RGS6: variants seen among roughly 807,000 people sequenced by gnomAD.
The protein encoded by RGS6 is regulator of G protein signaling 6.
A neutral mutation model predicts 78.5 loss-of-function variants in RGS6; 30 were observed. That is an observed-to-expected ratio of 0.38 (90% CI 0.29 to 0.52). RGS6 has a LOEUF of 0.52. RGS6 is among the 20% of genes least tolerant of loss of function. The pLI is 0.85. For synonymous variants in RGS6, 206 were observed against 206.0 expected (o/e 1.00, Z 0.00); for missense variants, 495 against 609.7 (o/e 0.81, Z 1.98).
intron 2 of RGS6, among the ~76,000 whole-genome samples, chr14:72,316,465 C>T (rs142746608): frequency 0.018 from 2,680 of 152,272 alleles, 21 homozygotes; most frequent in Middle Eastern, 0.034. Context: ...CGTGTCCCAC[C>T]TATGAGTGAG....
intron 2 of RGS6, among the ~76,000 whole-genome samples, chr14:71,981,776 G>GAGGC (rs961951787): frequency 6.7e-6 from 1 of 150,294 alleles, no homozygotes; most frequent in African/African-American, 2.5e-5. Context: ...GGAGCCTACA[G>GAGGC]AGGCAGGCAG....
intron 3 of RGS6, among the ~76,000 whole-genome samples, chr14:72,354,827 A>C (rs923602142): frequency 3.9e-5 from 6 of 152,182 alleles, no homozygotes; most frequent in Admixed American, 2.6e-4. Context: ...AATGAAGGAT[A>C]CTTGTATTGT....
rs546579203 is a variant in RGS6, at chr14:72,047,406, C to T, written c.84+82531C>T. The stretch of plus-strand genomic sequence containing the variant: ...CTAAGAGGTATTATCCCCCTTTTCC[C>T]GTGAGGACACTGAAGGTCCAACAGC... On this transcript the variant is annotated intron_variant, in intron 2 of 17. Transcript: ENST00000553525. 2.4e-4 allele frequency among the ~76,000 whole-genome samples: 36 copies of T among 152,280 alleles called. 1 individual carries two copies. In the South Asian group the frequency reaches 5.6e-3, roughly 24 times the overall value.
Position 72,145,300 on chromosome 14 carries a change from G to T in RGS6, c.84+180425G>T, listed in dbSNP as rs539416591. ...GGCAGACTGGTCCCTAGGCAAGAAG[G>T]GGGTCTACGTGGGAAAGGGCTGCTA... On this transcript the variant is annotated intron_variant, in intron 2 of 17. Transcript: ENST00000553525. Among the ~76,000 whole-genome samples the T allele has an allele frequency of 2.0e-5, 3 of 152,262 alleles. No homozygotes were observed. The South Asian group carries it at 6.2e-4, about 32-fold the overall frequency.
intron 2 of RGS6, among the ~76,000 whole-genome samples, chr14:72,117,042 C>A (rs901144399): frequency 2.0e-5 from 3 of 151,018 alleles, no homozygotes; most frequent in Non-Finnish European, 4.4e-5. Context: ...GTTGAGGAAG[C>A]CCTTGCCGAG....
chr14:72,162,546 G>T (rs1598628799), intron 2 of RGS6, among the ~76,000 whole-genome samples: 1 of 152,118 alleles, frequency 6.6e-6, no homozygotes, highest in South Asian at 2.1e-4. Context: ...TGGGAGTGGG[G>T]CCAGGCAACT....
chr14:72,450,195 A>G (rs2095458639), intron 3 of RGS6, among the ~76,000 whole-genome samples: 1 of 152,106 alleles, frequency 6.6e-6, no homozygotes, highest in African/African-American at 2.4e-5. Context: ...TTAATAGAAC[A>G]TAAATATTTT....
At chr14:72,278,642 C>T (rs758624331) in intron 2 of RGS6, among the ~76,000 whole-genome samples, 4 of 152,084 alleles carry the variant, frequency 2.6e-5, no homozygotes, top group South Asian at 2.1e-4. Context: ...GAAATAAATA[C>T]GGAATTTGTT....
intron 2 of RGS6, among the ~76,000 whole-genome samples, chr14:72,001,895 C>CTTTTTT (rs59274317): frequency 1.5e-4 from 14 of 92,532 alleles, no homozygotes; most frequent in African/African-American, 2.2e-4. Flanking sequence ...ATCCATTAAT[C>CTTTTTT]TTTTTTTTTT....
chr14:72,417,738 G>A (rs1469619978), intron 3 of RGS6, among the ~76,000 whole-genome samples: 6 of 152,168 alleles, frequency 3.9e-5, no homozygotes, highest in Admixed American at 3.9e-4. Context: ...AGTTGTTCTG[G>A]GGCTTAAATG....
the RGS6 span, among the ~76,000 whole-genome samples, chr14:71,921,898 G>A: frequency 6.6e-6 from 1 of 152,320 alleles, no homozygotes; most frequent in East Asian, 1.9e-4. Flanking sequence ...GTCCATGTGT[G>A]TAGTTTAACA....
chr14:72,042,764 G>A (rs1254772948), intron 2 of RGS6, among the ~76,000 whole-genome samples: 2 of 151,666 alleles, frequency 1.3e-5, no homozygotes, highest in Non-Finnish European at 1.5e-5. Flanking sequence ...TTCTATTTTG[G>A]GAGGTTATTA....
intron 2 of RGS6, among the ~76,000 whole-genome samples, chr14:72,117,707 C>T (rs949287378): frequency 3.3e-5 from 5 of 152,182 alleles, no homozygotes; most frequent in Non-Finnish European, 5.9e-5. Context: ...ACATTTAACT[C>T]TGGCTACTCA....
chr14:71,917,914 C>CT, the RGS6 span, among the ~76,000 whole-genome samples: 1 of 152,062 alleles, frequency 6.6e-6, no homozygotes, highest in Non-Finnish European at 1.5e-5. Flanking sequence ...TGGCTCACGC[C>CT]TGTAATCCCA....
intron 2 of RGS6, among the ~76,000 whole-genome samples, chr14:72,073,690 A>G (rs537497310): frequency 5.9e-5 from 9 of 152,240 alleles, no homozygotes; most frequent in African/African-American, 1.7e-4. Flanking sequence ...AGAACATGCA[A>G]CCTCCACACA....
intron 2 of RGS6, among the ~76,000 whole-genome samples, chr14:72,135,991 CA>C (rs1447700583): frequency 6.6e-6 from 1 of 152,166 alleles, no homozygotes; most frequent in Non-Finnish European, 1.5e-5. Context: ...TTAATTTGGA[CA>C]GTGGTATGTG....
chr14:72,361,899 C>T (rs955125709), intron 3 of RGS6, among the ~76,000 whole-genome samples: 2 of 152,066 alleles, frequency 1.3e-5, no homozygotes, highest in Non-Finnish European at 2.9e-5. Context: ...CACTTATCTA[C>T]CTGTAAACCC....
At chr14:72,274,219 C>T (rs1373309124) in intron 2 of RGS6, among the ~76,000 whole-genome samples, 2 of 152,234 alleles carry the variant, frequency 1.3e-5, no homozygotes, top group African/African-American at 4.8e-5. Flanking sequence ...TGGCACTATT[C>T]ATCATTGGCT....
chr14:72,043,229 G>A (rs933782429), intron 2 of RGS6, among the ~76,000 whole-genome samples: 2 of 151,952 alleles, frequency 1.3e-5, no homozygotes, highest in African/African-American at 4.8e-5. Flanking sequence ...GTTATTGTGG[G>A]TTGAAACTTT....
Sources: gnomAD v4.1 joint callset for allele counts (sites outside exome capture counted in the v4.1 genomes callset) on GRCh38, gnomAD v4.1.1 for gene constraint, MANE v1.5 for transcripts, NCBI Gene and HGNC (gene_info 2026-07-23, HGNC 2026-07-21) for gene names.